Variants in TLN2 observed in about 807,000 individuals in gnomAD.
The protein encoded by TLN2 is talin-2.
TLN2 carries 118 observed loss-of-function variants against 294.7 expected under a neutral mutation model. The observed-to-expected ratio is 0.40, with a 90% confidence interval of 0.34 to 0.47. TLN2 has a LOEUF of 0.47. Among genes scored for constraint, TLN2 ranks in the 20% least tolerant of loss-of-function variants. TLN2 has a pLI of 0.84. For synonymous variants in TLN2, 1,431 were observed against 1,304.5 expected (o/e 1.10, Z -2.09); for missense variants, 3,083 against 3,282.2 (o/e 0.94, Z 1.48).
chr15:62,527,203 C>T (rs2040789090), intron 1 of TLN2, among the ~76,000 whole-genome samples: 1 of 151,996 alleles, frequency 6.6e-6, no homozygotes, highest in Non-Finnish European at 1.5e-5. Flanking sequence ...TGTCAAAATC[C>T]GAAGTCTTCT....
At chr15:62,783,943 C>A (rs1273332014) in intron 45 of TLN2, 53 bp downstream of exon 45, 1 of 1,605,706 alleles carries the variant, frequency 6.2e-7, no homozygotes, top group Admixed American at 1.7e-5. Flanking sequence ...CTGGTGCCCA[C>A]TCCTGGGTAT....
At chr15:62,801,414 T>C (rs2065919534) in intron 50 of TLN2, among the ~76,000 whole-genome samples, 3 of 152,214 alleles carry the variant, frequency 2.0e-5, no homozygotes, top group South Asian at 2.1e-4. Context: ...TCCCCACAAA[T>C]AGAAATATGC....
At chr15:62,582,543 G>C (rs1449694904) in intron 1 of TLN2, among the ~76,000 whole-genome samples, 1 of 152,146 alleles carries the variant, frequency 6.6e-6, no homozygotes, top group Non-Finnish European at 1.5e-5. Flanking sequence ...GGTGGAACTT[G>C]ATGGACAGCT....
At chr15:62,627,832 A>G (rs560757934) in intron 3 of TLN2, among the ~76,000 whole-genome samples, 5 of 72,586 alleles carry the variant, frequency 6.9e-5, no homozygotes, top group Non-Finnish European at 1.6e-4. Context: ...GATTTTTATT[A>G]GGCAATTTTG....
chr15:62,506,827 C>T (rs182096089), intron 1 of TLN2, among the ~76,000 whole-genome samples: 26 of 152,350 alleles, frequency 1.7e-4, no homozygotes, highest in African/African-American at 5.8e-4. Context: ...AGCAGCATGG[C>T]ATTCAAACGG....
intron 11 of TLN2, 65 bp from the exon 12 acceptor site, chr15:62,686,576 G>C: frequency 6.5e-7 from 1 of 1,537,772 alleles, no homozygotes; most frequent in Non-Finnish European, 8.8e-7. Flanking sequence ...AAAAATCACT[G>C]ATTCCCTGGC....
intron 52 of TLN2, among the ~76,000 whole-genome samples, chr15:62,812,214 T>C (rs897125452): frequency 6.6e-6 from 1 of 152,124 alleles, no homozygotes; most frequent in Non-Finnish European, 1.5e-5. Flanking sequence ...GTTGTCTTGT[T>C]CATTTTGGGG....
At chr15:62,482,409 C>T (rs1477577945) in intron 1 of TLN2, among the ~76,000 whole-genome samples, 7 of 151,140 alleles carry the variant, frequency 4.6e-5, no homozygotes, top group African/African-American at 1.7e-4. Context: ...TTGAGACCAG[C>T]CTGACCAACA....
intron 1 of TLN2, among the ~76,000 whole-genome samples, chr15:62,552,126 A>C (rs1000245187): frequency 6.6e-6 from 1 of 152,184 alleles, no homozygotes; most frequent in Non-Finnish European, 1.5e-5. Flanking sequence ...TGCTAGACCC[A>C]GTTTTGACAA....
At chr15:62,485,366 G>T (rs907465394) in intron 1 of TLN2, among the ~76,000 whole-genome samples, 1 of 152,222 alleles carries the variant, frequency 6.6e-6, no homozygotes, top group East Asian at 1.9e-4. Context: ...AGGTCCAAGG[G>T]TCAGGGCTTC....
At chr15:62,667,797 T>C (rs2140989530) in intron 9 of TLN2, among the ~76,000 whole-genome samples, 1 of 152,338 alleles carries the variant, frequency 6.6e-6, no homozygotes, top group Middle Eastern at 3.4e-3. Context: ...GAATTACTTG[T>C]AGAGGCAGCT....
intron 1 of TLN2, among the ~76,000 whole-genome samples, chr15:62,520,448 T>A (rs1333479868): frequency 1.3e-5 from 2 of 152,238 alleles, no homozygotes; most frequent in Non-Finnish European, 2.9e-5. Flanking sequence ...TGTGTGTAAG[T>A]GTACATATAT....
chr15:62,770,826 C>T, intron 41 of TLN2, 138 bp from the exon 42 acceptor site: 1 of 995,876 alleles, frequency 1.0e-6, no homozygotes, highest in Non-Finnish European at 1.4e-6. Flanking sequence ...GCACTTTCAG[C>T]AGTAAATTGC....
chr15:62,529,117 A>T (rs1453896144), intron 1 of TLN2, among the ~76,000 whole-genome samples: 2 of 148,922 alleles, frequency 1.3e-5, no homozygotes, highest in Non-Finnish European at 3.0e-5. Context: ...TGTGTGTGTG[A>T]CAGCTTTGCT....
At chr15:62,514,373 A>G (rs1469530755) in intron 1 of TLN2, among the ~76,000 whole-genome samples, 1 of 152,222 alleles carries the variant, frequency 6.6e-6, no homozygotes, top group African/African-American at 2.4e-5. Flanking sequence ...CTTAAGAAAA[A>G]TCCTGAGTCT....
At chr15:62,419,178 A>T (rs2034249984) in intron 1 of TLN2, among the ~76,000 whole-genome samples, 1 of 152,238 alleles carries the variant, frequency 6.6e-6, no homozygotes, top group African/African-American at 2.4e-5. Flanking sequence ...TATTCCACTA[A>T]TTTTTATATT....
intron 1 of TLN2, among the ~76,000 whole-genome samples, chr15:62,562,939 C>CACACACACAG (rs2043090248): frequency 6.7e-6 from 1 of 149,328 alleles, no homozygotes; most frequent in African/African-American, 2.5e-5. Flanking sequence ...CACACACACA[C>CACACACACAG]ACACACACAC....
chr15:62,692,985 TA>T lies in TLN2; in HGVS notation c.1215+48del, dbSNP rs777858029. On this transcript the variant is annotated intron_variant, in intron 13 of 58. Transcript: ENST00000636159. ...AATTGGAAAAGCAAGACGGCTTTAT[TA>T]AAAGGCTTGGTTTCGATGACGTGGC... The T allele has an allele frequency of 1.1e-5, 17 of 1,540,166 alleles. No individual in the cohort carries two copies. The African/African-American group carries it at 1.4e-4, about 13-fold the overall frequency.
chr15:62,611,869 A>G (rs2047944680), intron 2 of TLN2, among the ~76,000 whole-genome samples: 1 of 152,222 alleles, frequency 6.6e-6, no homozygotes, highest in Admixed American at 6.5e-5. Context: ...AATAATGGCT[A>G]TCTCATGATT....
Sources: allele counts gnomAD v4.1 joint callset (sites outside exome capture counted in the v4.1 genomes callset), GRCh38; gene constraint gnomAD v4.1.1; transcripts MANE v1.5; gene names NCBI Gene and HGNC (gene_info 2026-07-23, HGNC 2026-07-21).